POLQ: variants seen among roughly 807,000 people sequenced by gnomAD.
The protein encoded by POLQ is epididymis secretory sperm binding protein.
POLQ carries 233 observed loss-of-function variants against 259.2 expected under a neutral mutation model. That is an observed-to-expected ratio of 0.90 (90% confidence interval 0.81 to 1.00). POLQ has a LOEUF of 1.00. Among genes scored for constraint, POLQ ranks in the 50% least tolerant of loss-of-function variants. The pLI, the probability that POLQ is intolerant of heterozygous loss-of-function variation, is 0.00. For synonymous variants in POLQ, 1,025 were observed against 1,048.8 expected (o/e 0.98, Z 0.44); for missense variants, 2,871 against 3,051.6 (o/e 0.94, Z 1.39).
intron 26 of POLQ, among the ~76,000 whole-genome samples, chr3:121,444,566 C>T (rs1178211780): frequency 6.6e-6 from 1 of 152,164 alleles, no homozygotes; most frequent in African/African-American, 2.4e-5. Context: ...CTCTTCCTTT[C>T]CAGTGTGGAT....
intron 10 of POLQ, among the ~76,000 whole-genome samples, chr3:121,510,811 C>T (rs1048802004): frequency 6.6e-6 from 1 of 152,056 alleles, no homozygotes; most frequent in Non-Finnish European, 1.5e-5. Flanking sequence ...GTGGGCCAGG[C>T]ACGGTGGCTC....
chr3:121,463,644 A>T (rs972896859), intron 24 of POLQ, among the ~76,000 whole-genome samples: 1 of 152,210 alleles, frequency 6.6e-6, no homozygotes, highest in Non-Finnish European at 1.5e-5. Flanking sequence ...AGCTTACAAA[A>T]TCAAACCAGT....
At chr3:121,457,475 A>C (rs1485341272) in intron 25 of POLQ, among the ~76,000 whole-genome samples, 2 of 152,218 alleles carry the variant, frequency 1.3e-5, no homozygotes, top group Non-Finnish European at 2.9e-5. Context: ...AAATTTTCGC[A>C]ACCTACTCAT....
At chr3:121,542,680 C>T (rs1194231003) in intron 2 of POLQ, among the ~76,000 whole-genome samples, 1 of 152,132 alleles carries the variant, frequency 6.6e-6, no homozygotes, top group African/African-American at 2.4e-5. Flanking sequence ...TTATAAAGAT[C>T]ACTTTGGACT....
rs1576403567 is a variant in POLQ, at chr3:121,456,978, A to T, written c.7152+3072T>A. 3.3e-5 allele frequency among the ~76,000 whole-genome samples: 5 copies of T among 152,326 alleles called. No homozygotes were observed. The South Asian group carries it at 1.0e-3, about 32-fold the overall frequency. On this transcript the variant is annotated intron_variant, in intron 25 of 29. Transcript: ENST00000264233. ...TGGAGGCATCAAGCTACCTGACTTC[A>T]AACTATACTACAAGGCTACAGTAAC...
At chr3:121,485,520 T>C (rs1311283149) in intron 16 of POLQ, among the ~76,000 whole-genome samples, 1 of 152,216 alleles carries the variant, frequency 6.6e-6, no homozygotes, top group Non-Finnish European at 1.5e-5. Flanking sequence ...ATTCAGCAAT[T>C]CTTAGCTAAG....
In POLQ at chr3:121,537,167, G is replaced by A. The variant is rs73857907; in HGVS notation, c.673C>T (p.His225Tyr). ...AAAAGTTCCAGCAGATACCCTCGGTGAGAGTCTCCCAGCATATGTAATTCA... is the reference window on the plus strand; with the variant it reads ...AAAAGTTCCAGCAGATACCCTCGGTAAGAGTCTCCCAGCATATGTAATTCA... ...VDELHMLGDS[H>Y]RGYLLELLLT... Residue 225 changes from histidine (H) to tyrosine (Y), a missense_variant, in exon 5 of 30, where the codon CAC becomes TAC. By Grantham distance (83) the His-to-Tyr change is moderately conservative (BLOSUM62 2). Around this residue, in one of 3 missense-constraint regions of POLQ, gnomAD observed 783 missense variants for 906.2 expected, o/e 0.86. Transcript: ENST00000264233. The A allele has an allele frequency of 2.6e-3, 4,152 of 1,606,184 alleles. 102 individuals are homozygous for A. In the African/African-American group the frequency reaches 0.049, roughly 19 times the overall value.
In POLQ at chr3:121,487,305, G is replaced by C. The variant is rs1342693929; in HGVS notation, c.5626C>G (p.Gln1876Glu). Residue 1876 changes from glutamine (Q) to glutamate (E), a missense_variant, in exon 16 of 30, where the codon CAA becomes GAA. Coordinates refer to ENST00000264233, the MANE Select transcript of POLQ (RefSeq NM_199420.4). ...ATAAAATTAAAAAAATTCTTACCTT[G>C]CTTAAACCTACTGCCAATAGTAGCA... Reference protein sequence around the residue: ...KTATIGSRFKQASSPQEIPIR... With the variant: ...KTATIGSRFKEASSPQEIPIR... 3.9e-6 allele frequency: 6 copies of C among 1,553,066 alleles called. No individual in the cohort carries two copies. Among genetic ancestry groups the C allele is most frequent in the Non-Finnish European group, 5.2e-6 (6 of 1,148,292 alleles).
intron 26 of POLQ, among the ~76,000 whole-genome samples, chr3:121,447,172 T>C (rs2047638673): frequency 3.9e-5 from 1 of 25,724 alleles, no homozygotes; most frequent in African/African-American, 7.9e-5. Flanking sequence ...CTTATAACCC[T>C]TTTTTTTTTT....
chr3:121,521,970 A>T (rs767969099), intron 8 of POLQ, 33 bp downstream of exon 8: 2 of 1,445,466 alleles, frequency 1.4e-6, no homozygotes, highest in East Asian at 4.9e-5. Flanking sequence ...GGAATTTTGG[A>T]GGTTTCTTAA....
intron 25 of POLQ, among the ~76,000 whole-genome samples, chr3:121,454,567 A>G (rs921571794): frequency 2.0e-5 from 3 of 152,108 alleles, no homozygotes; most frequent in Non-Finnish European, 2.9e-5. Flanking sequence ...AACAAAAAAA[A>G]GCAGGGGTTG....
At chr3:121,446,990 T>C (rs1030420633) in intron 26 of POLQ, among the ~76,000 whole-genome samples, 1 of 152,022 alleles carries the variant, frequency 6.6e-6, no homozygotes, top group African/African-American at 2.4e-5. Context: ...CATCATTTTG[T>C]TGTTTACTGG....
At chr3:121,504,245 G>C (rs919346591) in intron 12 of POLQ, among the ~76,000 whole-genome samples, 1 of 152,090 alleles carries the variant, frequency 6.6e-6, no homozygotes, top group Non-Finnish European at 1.5e-5. Context: ...TAAATAAAAA[G>C]GATTATAAGG....
intron 21 of POLQ, among the ~76,000 whole-genome samples, chr3:121,472,821 A>T (rs1214985716): frequency 6.6e-6 from 1 of 152,176 alleles, no homozygotes; most frequent in Non-Finnish European, 1.5e-5. Flanking sequence ...TTTCCCCTGA[A>T]ACATCTGTAA....
intron 12 of POLQ, among the ~76,000 whole-genome samples, chr3:121,500,824 A>C (rs1420700685): frequency 6.6e-6 from 1 of 152,230 alleles, no homozygotes; most frequent in Non-Finnish European, 1.5e-5. Flanking sequence ...AGCAAGAAAA[A>C]GTCATCCTAT....
At chr3:121,490,962 T>C (rs2048063732) in intron 15 of POLQ, among the ~76,000 whole-genome samples, 1 of 151,786 alleles carries the variant, frequency 6.6e-6, no homozygotes, top group East Asian at 1.9e-4. Flanking sequence ...GGCTGAGGCA[T>C]GAGAATCACT....
Position 121,489,771 on chromosome 3 carries a change from T to G in POLQ, c.3160A>C (p.Ser1054Arg). The G allele has an allele frequency of 6.2e-7, 1 of 1,612,570 alleles. No homozygotes were observed. The highest frequency in any genetic ancestry group is 1.7e-5 in the Admixed American group (1 of 59,772). ...GCTCCAGAGTCTTTCAGGGGGCTGC[T>G]GTCCCTAGATCGCTTTAGATGCTTT... ...RRKHLKRSRD[S>R]SPLKDSGACR... The change falls in exon 16 of 30, where the codon AGC (serine) becomes CGC (arginine). Residue 1054 changes from serine (S) to arginine (R), a missense_variant. Coordinates refer to ENST00000264233, the MANE Select transcript of POLQ (RefSeq NM_199420.4).
Position 121,487,866 on chromosome 3 carries a change from GT to G in POLQ, c.5064del (p.Lys1688AsnfsTer14). On this transcript the variant is annotated frameshift_variant, in exon 16 of 30. Coordinates refer to ENST00000264233, the MANE Select transcript of POLQ (RefSeq NM_199420.4). LOFTEE classifies it high-confidence loss of function. ...EQEVISNLET[K>X]QVQGISFSSN... is the part of the protein sequence containing the mutation. ...GAAGAAAATGAAATTCCCTGCACTTGTTTTGTCTCCAAGTTTGAAATAACTT... is the reference window on the plus strand; with the variant it reads ...GAAGAAAATGAAATTCCCTGCACTTGTTTGTCTCCAAGTTTGAAATAACTT... 1 of 1,610,494 alleles carries G rather than the reference GT, an allele frequency of 6.2e-7. No individual in the cohort carries two copies. Among genetic ancestry groups the G allele is most frequent in the East Asian group, 2.2e-5 (1 of 44,850 alleles).
At chr3:121,501,680 A>G (rs1475698787) in intron 12 of POLQ, among the ~76,000 whole-genome samples, 20 of 147,194 alleles carry the variant, frequency 1.4e-4, no homozygotes, top group East Asian at 4.0e-4. Flanking sequence ...AAAAAAAAAA[A>G]AAAAAAAAAG....
Sources: gnomAD v4.1 joint callset for allele counts (sites outside exome capture counted in the v4.1 genomes callset) on GRCh38, gnomAD v4.1.1 for gene constraint, gnomAD v4.1.1 regional missense constraint, MANE v1.5 for transcripts, NCBI Gene and HGNC (gene_info 2026-07-23, HGNC 2026-07-21) for gene names.